The following ELFN1 variants were observed in gnomAD, a reference collection of about 807,000 sequenced individuals.
ELFN1 encodes extracellular leucine rich repeat and fibronectin type III domain containing 1.
Under a neutral mutation model 7.6 loss-of-function variants are expected in ELFN1, and 6 were observed. The ratio of observed to expected loss-of-function variants is 0.79; its 90% confidence interval spans 0.43 to 1.56. The LOEUF (loss-of-function observed/expected upper bound fraction) is 1.56. Ranked by LOEUF, ELFN1 falls within the 40% of genes most tolerant of loss-of-function variation. ELFN1 has a pLI of 0.01. For missense variants in ELFN1, 1,169 were observed against 1,232.2 expected, an observed-to-expected ratio of 0.95 and a Z score of 0.77; for synonymous variants, 657 against 588.1, an observed-to-expected ratio of 1.12 and a Z score of -1.70.
In ELFN1 at chr7:1,746,660, C is replaced by T. The variant is rs1361979523; in HGVS notation, c.2064C>T (p.Ala688=). The T allele has an allele frequency of 6.6e-6, 9 of 1,370,326 alleles. No individual in the cohort carries two copies. Among genetic ancestry groups the T allele is most frequent in the South Asian group, 1.6e-5 (1 of 62,272 alleles). The allele number at this position is 1,370,326 out of a possible 1,614,324, so 84.9% of individuals were successfully genotyped here. Residue 688 remains alanine (A), a synonymous_variant, in exon 4 of 4, where the codon GCC becomes GCT. Coordinates refer to ENST00000424383, the MANE Select transcript of ELFN1 (RefSeq NM_001128636.4). ...TCCTCACTGTGACACCCGCGGCCGC[C>T]GTGCTGCGGGCCGAGGCCGAGAAGG... The part of the protein sequence containing the change: ...DAILTVTPAA[A]VLRAEAEKGR...
intron 1 of ELFN1, among the ~76,000 whole-genome samples, chr7:1,671,904 C>CCCAG (rs377423114): frequency 6.6e-6 from 1 of 152,174 alleles, no homozygotes; most frequent in Middle Eastern, 3.2e-3. Context: ...CAGCCAGGAC[C>CCCAG]CCAGCACTTG....
chr7:1,686,762 T>C (rs1303389771), intron 1 of ELFN1, among the ~76,000 whole-genome samples: 2 of 152,144 alleles, frequency 1.3e-5, no homozygotes, highest in Non-Finnish European at 2.9e-5. Flanking sequence ...AATTTGTGAA[T>C]TGCTTGGGCC....
At chr7:1,694,511 T>G (rs1167752373) in intron 2 of ELFN1, among the ~76,000 whole-genome samples, 1 of 152,158 alleles carries the variant, frequency 6.6e-6, no homozygotes, top group African/African-American at 2.4e-5. Flanking sequence ...CTCCCAGGCC[T>G]TCTAGAAAGA....
intron 2 of ELFN1, among the ~76,000 whole-genome samples, chr7:1,699,900 A>G (rs925673077): frequency 6.6e-6 from 1 of 151,352 alleles, no homozygotes; most frequent in African/African-American, 2.4e-5. Context: ...GATGGGCACC[A>G]TGTTGGCCAG....
At chr7:1,668,302 G>A (rs181310773), upstream of ELFN1, among the ~76,000 whole-genome samples, 51 of 152,366 alleles carry the variant, frequency 3.3e-4, no homozygotes, top group African/African-American at 1.2e-3. Context: ...GTAGCAGGAC[G>A]TCCTGGCGCG....
At chr7:1,691,760 C>T (rs1252751436) in intron 2 of ELFN1, 3 of 152,254 alleles carry the variant, frequency 2.0e-5, no homozygotes, top group Non-Finnish European at 2.9e-5. Flanking sequence ...GCTGTCTGAA[C>T]CCCACACCTG....
intron 1 of ELFN1, among the ~76,000 whole-genome samples, chr7:1,674,095 G>A (rs1486976228): frequency 6.6e-6 from 1 of 151,886 alleles, no homozygotes; most frequent in Non-Finnish European, 1.5e-5. Context: ...GCCGTGAGGG[G>A]TGCACAGGAG....
intron 3 of ELFN1, chr7:1,738,853 AT>A (rs1391147787): frequency 6.6e-6 from 1 of 151,716 alleles, no homozygotes; most frequent in Non-Finnish European, 1.5e-5. Flanking sequence ...TTAAAAGTAA[AT>A]AACCAAGCAG....
upstream of ELFN1, among the ~76,000 whole-genome samples, chr7:1,668,657 G>A (rs1477613968): frequency 2.0e-5 from 3 of 152,222 alleles, no homozygotes; most frequent in African/African-American, 7.2e-5. Flanking sequence ...AGGCAGGGAG[G>A]AGAGGGTGCC....
At chr7:1,693,430 A>G in intron 2 of ELFN1, 2 of 471,278 alleles carry the variant, frequency 4.2e-6, no homozygotes, top group South Asian at 3.1e-5. Context: ...ATGTGTACAC[A>G]TAGGTGACAT....
chr7:1,707,125 C>T (rs1039188792), intron 2 of ELFN1, among the ~76,000 whole-genome samples: 3 of 152,256 alleles, frequency 2.0e-5, no homozygotes, highest in Non-Finnish European at 2.9e-5. Context: ...ACGTGCACAC[C>T]GTGCCCAGCA....
chr7:1,670,390 G>A lies in ELFN1; in HGVS notation c.-549+36G>A, dbSNP rs893601085. On this transcript the variant is annotated intron_variant, in intron 1 of 3. Coordinates refer to ENST00000424383, the MANE Select transcript of ELFN1 (RefSeq NM_001128636.4). This position sits in a 1 kb window ranked among gnomAD's most constrained non-coding sequence, Gnocchi z 6.4. ...AGCGCGGCCGGGCGCTGAACCTGGG[G>A]GACTTGGGACCCGGACCACCCCCGG... is the stretch of plus-strand genomic sequence containing the variant. Among the ~76,000 whole-genome samples, 23 of 151,556 alleles carry A rather than the reference G, an allele frequency of 1.5e-4. No individual in the cohort carries two copies. The highest frequency in any genetic ancestry group is 2.8e-4 in the Non-Finnish European group (19 of 67,816).
At chr7:1,707,037 G>A (rs751764376) in intron 2 of ELFN1, among the ~76,000 whole-genome samples, 5 of 151,948 alleles carry the variant, frequency 3.3e-5, no homozygotes, top group Admixed American at 2.0e-4. Context: ...ATGTGTGCAC[G>A]CACATACATG....
At chr7:1,717,615 G>A (rs6955859) in intron 3 of ELFN1, among the ~76,000 whole-genome samples, 25,558 of 152,168 alleles carry the variant, frequency 0.17, 2,586 homozygotes, top group African/African-American at 0.29. Flanking sequence ...AGAGAGGAAC[G>A]GTGCATGCAT....
chr7:1,674,807 C>T (rs990822690), intron 1 of ELFN1, among the ~76,000 whole-genome samples: 4 of 152,056 alleles, frequency 2.6e-5, no homozygotes, highest in Non-Finnish European at 5.9e-5. Context: ...TCTGGGCTTC[C>T]GAGGGAGGGA....
rs758094969 is a variant in ELFN1, at chr7:1,746,203, G to A, written c.1607G>A (p.Arg536His). 28 of 1,553,564 alleles carry A rather than the reference G, an allele frequency of 1.8e-5. No homozygotes were observed. Among genetic ancestry groups the A allele is most frequent in the South Asian group, 1.8e-4 (15 of 84,224 alleles). ...GTTCGAACCGGGGACCCTCCGGAAC[G>A]CAGGGACTGTGAGCTGGGCCGGCCG... ...MEVRTGDPPERRDCELGRPGP... is the reference protein window; with the variant it reads ...MEVRTGDPPEHRDCELGRPGP... Residue 536 changes from arginine (R) to histidine (H), a missense_variant, in exon 4 of 4, where the codon CGC becomes CAC. By Grantham distance (29) the Arg-to-His change is conservative (BLOSUM62 0). This residue lies in a region of ELFN1 where 914 missense variants were observed against 872.6 expected (regional missense o/e 1.05). Coordinates refer to ENST00000424383, the MANE Select transcript of ELFN1 (RefSeq NM_001128636.4).
intron 3 of ELFN1, among the ~76,000 whole-genome samples, chr7:1,724,616 C>T (rs1399812608): frequency 6.6e-6 from 1 of 152,180 alleles, no homozygotes; most frequent in Non-Finnish European, 1.5e-5. Context: ...CCCACCCGGA[C>T]CCCCTTTGGG....
intron 3 of ELFN1, among the ~76,000 whole-genome samples, chr7:1,728,738 G>A (rs1310012916): frequency 6.6e-6 from 1 of 152,238 alleles, no homozygotes; most frequent in Non-Finnish European, 1.5e-5. Flanking sequence ...AGAAAACAGA[G>A]GCTGGGAAAG....
At chr7:1,676,335 G>GCCCTCTTCACTGAGGGACCACCCACAGA (rs1315617128) in intron 1 of ELFN1, among the ~76,000 whole-genome samples, 4 of 152,204 alleles carry the variant, frequency 2.6e-5, no homozygotes, top group Non-Finnish European at 5.9e-5. Context: ...GACCACCCCT[G>GCCCTCTTCACTGAGGGACCACCCACAGA]CATCTATCTG....
Sources: gnomAD v4.1 joint callset for allele counts (sites outside exome capture counted in the v4.1 genomes callset) on GRCh38, gnomAD v4.1.1 for gene constraint, gnomAD v4.1.1 regional missense constraint, Gnocchi (gnomAD v3.1) non-coding constraint, MANE v1.5 for transcripts, NCBI Gene and HGNC (gene_info 2026-07-23, HGNC 2026-07-21) for gene names.